The following EGFLAM variants were observed in gnomAD, a reference collection of about 807,000 sequenced individuals.
EGFLAM encodes the protein pikachurin.
A neutral mutation model predicts 113.1 loss-of-function variants in EGFLAM; 79 were observed. The observed-to-expected ratio is 0.70, with a 90% CI of 0.58 to 0.84. The LOEUF (loss-of-function observed/expected upper bound fraction) is 0.84, where lower values mean the gene tolerates loss of function less well. EGFLAM is among the 40% of genes least tolerant of loss of function. The pLI is 0.00. For missense variants in EGFLAM, 1,265 were observed against 1,291.6 expected (o/e 0.98, Z 0.32); for synonymous variants, 504 against 487.6 (o/e 1.03, Z -0.44).
At position 38,270,824 on chromosome 5, in the gene EGFLAM, T is replaced by G. The variant is rs60459394; in HGVS notation, c.97+11973T>G. 2.4e-3 allele frequency among the ~76,000 whole-genome samples: 373 copies of G among 152,324 alleles called. 9 individuals are homozygous for G. The East Asian group carries it at 0.056, about 23-fold the overall frequency. ...TAAACATTTGGTACATAATGGGCAT[T>G]CCAATGTTAATGCATATTAATTAGA... On this transcript the variant is annotated intron_variant, in intron 1 of 21. Coordinates refer to ENST00000322350, the MANE Select transcript of EGFLAM (RefSeq NM_152403.4).
intron 1 of EGFLAM, among the ~76,000 whole-genome samples, chr5:38,303,885 C>T (rs558400507): frequency 1.6e-4 from 24 of 152,062 alleles, no homozygotes. Context: ...CCTGTAACCT[C>T]AGCACTTTGG....
chr5:38,260,802 C>T (rs191147907), intron 1 of EGFLAM, among the ~76,000 whole-genome samples: 22 of 152,272 alleles, frequency 1.4e-4, no homozygotes, highest in Admixed American at 9.8e-4. Flanking sequence ...CATTTACATC[C>T]CTTGGAAAGA....
chr5:38,271,671 C>T (rs2111717880), intron 1 of EGFLAM, among the ~76,000 whole-genome samples: 1 of 152,332 alleles, frequency 6.6e-6, no homozygotes, highest in East Asian at 1.9e-4. Context: ...GTCCCAGTTA[C>T]CTCCAGTTCT....
intron 5 of EGFLAM, among the ~76,000 whole-genome samples, chr5:38,366,994 G>C (rs573371558): frequency 4.3e-4 from 66 of 152,246 alleles, no homozygotes; most frequent in African/African-American, 1.5e-3. Context: ...ACTGCTGGCC[G>C]CATTCTCTAT....
At chr5:38,364,104 A>G (rs1406206642) in intron 5 of EGFLAM, among the ~76,000 whole-genome samples, 1 of 152,086 alleles carries the variant, frequency 6.6e-6, no homozygotes, top group Non-Finnish European at 1.5e-5. Flanking sequence ...CAGCTCAATC[A>G]CCCTTTATTG....
chr5:38,330,871 C>T (rs935132880), intron 1 of EGFLAM, among the ~76,000 whole-genome samples: 2 of 152,020 alleles, frequency 1.3e-5, no homozygotes, highest in African/African-American at 4.8e-5. Context: ...TAAATGTGGC[C>T]AGTACTGGAT....
At chr5:38,438,714 A>C (rs1286963214) in intron 17 of EGFLAM, among the ~76,000 whole-genome samples, 2 of 152,210 alleles carry the variant, frequency 1.3e-5, no homozygotes, top group African/African-American at 2.4e-5. Flanking sequence ...CTTCCTTGAG[A>C]ATCACCTCAT....
chr5:38,464,229 A>G lies in EGFLAM; in HGVS notation c.*243A>G, dbSNP rs941476888. The G allele has an allele frequency of 1.6e-5, 8 of 508,512 alleles. No homozygotes were observed. Among genetic ancestry groups the G allele is most frequent in the Non-Finnish European group, 2.8e-5 (8 of 287,932 alleles). 31.5% of individuals were successfully genotyped at this position (508,512 alleles called of 1,614,324 possible). On this transcript the variant is annotated 3_prime_UTR_variant, in exon 22 of 22. Coordinates refer to ENST00000322350, the MANE Select transcript of EGFLAM (RefSeq NM_152403.4). ...GTGTAGGAAGCATCGGACTTTGTCCATTGAATATGTAGCGGCTGCCAGAGA... is the reference window on the plus strand; with the variant it reads ...GTGTAGGAAGCATCGGACTTTGTCCGTTGAATATGTAGCGGCTGCCAGAGA...
chr5:38,393,067 G>T (rs1740858876), intron 6 of EGFLAM, among the ~76,000 whole-genome samples: 1 of 151,926 alleles, frequency 6.6e-6, no homozygotes, highest in African/African-American at 2.4e-5. Flanking sequence ...TTGATTTTTT[G>T]CTTTTCAATA....
At position 38,365,053 on chromosome 5, in the gene EGFLAM, G is replaced by C. The variant is rs1427956258; in HGVS notation, c.546-5243G>C. Among the ~76,000 whole-genome samples, 6 of 152,258 alleles carry C rather than the reference G, an allele frequency of 3.9e-5. No individual in the cohort carries two copies. In the East Asian group the frequency reaches 1.2e-3, roughly 29 times the overall value. The stretch of plus-strand genomic sequence containing the variant: ...TCAAGGCTATTCTGGATGTTCTGTT[G>C]TATCCCCTAGAGGACAGTTGGCTGC... On this transcript the variant is annotated intron_variant, in intron 5 of 21. Coordinates refer to ENST00000322350, the MANE Select transcript of EGFLAM (RefSeq NM_152403.4).
intron 10 of EGFLAM, among the ~76,000 whole-genome samples, chr5:38,411,285 G>A (rs968364280): frequency 6.6e-5 from 10 of 151,802 alleles, no homozygotes; most frequent in South Asian, 2.1e-4. Context: ...AAAATTAGCC[G>A]GGTGTGGTGG....
At chr5:38,369,366 A>G (rs1300271604) in intron 5 of EGFLAM, among the ~76,000 whole-genome samples, 2 of 152,204 alleles carry the variant, frequency 1.3e-5, no homozygotes, top group Non-Finnish European at 2.9e-5. Context: ...ATCTCAATTC[A>G]GACACATTTG....
At chr5:38,368,047 CT>C (rs1740109358) in intron 5 of EGFLAM, among the ~76,000 whole-genome samples, 1 of 152,140 alleles carries the variant, frequency 6.6e-6, no homozygotes, top group Admixed American at 6.5e-5. Flanking sequence ...TGTTGCAGGT[CT>C]TTGCAGGTAG....
chr5:38,379,986 A>C (rs1020465165), intron 6 of EGFLAM, among the ~76,000 whole-genome samples: 2 of 152,224 alleles, frequency 1.3e-5, no homozygotes, highest in Non-Finnish European at 2.9e-5. Context: ...TTTTAGGCCA[A>C]CTTTGTTGTC....
chr5:38,308,748 A>G (rs1262027248), intron 1 of EGFLAM, among the ~76,000 whole-genome samples: 1 of 152,256 alleles, frequency 6.6e-6, no homozygotes, highest in Non-Finnish European at 1.5e-5. Context: ...CCTTTCTATC[A>G]GGCCCATCTC....
At chr5:38,299,776 C>T (rs10213808) in intron 1 of EGFLAM, among the ~76,000 whole-genome samples, 5,993 of 152,184 alleles carry the variant, frequency 0.039, 406 homozygotes, top group African/African-American at 0.14. Flanking sequence ...GCTGGTTCTT[C>T]ATTTGCCTTC....
intron 6 of EGFLAM, among the ~76,000 whole-genome samples, chr5:38,398,885 G>A (rs17425661): frequency 0.021 from 3,228 of 152,330 alleles, 82 homozygotes; most frequent in African/African-American, 0.062. Flanking sequence ...ATTCTGGTGG[G>A]TATTAGGGTT....
At chr5:38,318,473 A>C (rs1440413058) in intron 1 of EGFLAM, among the ~76,000 whole-genome samples, 1 of 151,670 alleles carries the variant, frequency 6.6e-6, no homozygotes, top group Admixed American at 6.6e-5. Context: ...CTAGTTAGCT[A>C]TATAGTATAC....
intron 13 of EGFLAM, among the ~76,000 whole-genome samples, chr5:38,425,544 G>T (rs192457734): frequency 1.1e-4 from 17 of 152,224 alleles, no homozygotes; most frequent in African/African-American, 3.9e-4. Context: ...TGGGAGAGAT[G>T]GGGGAAACTT....
Sources: gnomAD v4.1 joint callset for allele counts (sites outside exome capture counted in the v4.1 genomes callset) on GRCh38, gnomAD v4.1.1 for gene constraint, MANE v1.5 for transcripts, NCBI Gene and HGNC (gene_info 2026-07-23, HGNC 2026-07-21) for gene names.